The following ERP44 variants were observed in gnomAD, a reference collection of about 807,000 sequenced individuals.
ERP44 encodes endoplasmic reticulum protein 44.
Under a neutral mutation model 53.4 loss-of-function variants are expected in ERP44, and 25 were observed. The ratio of observed to expected loss-of-function variants is 0.47; its 90% CI spans 0.34 to 0.65. The LOEUF is 0.65. Among genes scored for constraint, ERP44 ranks in the 30% least tolerant of loss-of-function variants. The pLI is 0.01. For missense variants in ERP44, 338 were observed against 493.2 expected (o/e 0.69, Z 2.98); for synonymous variants, 145 against 161.2 (o/e 0.90, Z 0.76).
intron 1 of ERP44, among the ~76,000 whole-genome samples, chr9:100,067,603 C>T (rs1022267542): frequency 2.0e-5 from 3 of 152,160 alleles, no homozygotes; most frequent in Admixed American, 6.5e-5. Flanking sequence ...AGCCTCTGCC[C>T]GGCCGCCACC....
At chr9:100,090,209 G>A (rs1186570379) in intron 1 of ERP44, among the ~76,000 whole-genome samples, 22 of 152,228 alleles carry the variant, frequency 1.4e-4, no homozygotes, top group Admixed American at 1.4e-3. Flanking sequence ...CCCTTTCAGA[G>A]GTAAAATCAT....
chr9:100,035,784 C>T (rs1325938208), intron 4 of ERP44, among the ~76,000 whole-genome samples: 1 of 152,226 alleles, frequency 6.6e-6, no homozygotes, highest in African/African-American at 2.4e-5. Flanking sequence ...AGCCAACAAA[C>T]ATATGAAAAA....
intron 10 of ERP44, among the ~76,000 whole-genome samples, chr9:100,003,800 G>C (rs1830401867): frequency 1.3e-5 from 2 of 151,692 alleles, no homozygotes; most frequent in African/African-American, 4.9e-5. Context: ...GGCTGAGTCT[G>C]TGGGAGTGGG....
chr9:99,979,423 T>G lies in ERP44; in HGVS notation c.*3189A>C, dbSNP rs1444169591. ...CAAACACTTCTATATTTCACTCTCCTCTCTGTAGCTTTTGTCATGCCAGTT... is the reference window on the plus strand; with the variant it reads ...CAAACACTTCTATATTTCACTCTCCGCTCTGTAGCTTTTGTCATGCCAGTT... On this transcript the variant is annotated 3_prime_UTR_variant, in exon 12 of 12. Coordinates refer to ENST00000262455, the MANE Select transcript of ERP44 (RefSeq NM_015051.3). The G allele has an allele frequency of 6.6e-6, 1 of 152,196 alleles. No individual in the cohort carries two copies. The highest frequency in any genetic ancestry group is 2.4e-5 in the African/African-American group (1 of 41,430). The allele number at this position is 152,196 out of a possible 1,614,324, so 9.4% of individuals were successfully genotyped here. A position where few individuals can be genotyped will look rare whatever the true frequency, so the allele number is the denominator to read the frequency against.
chr9:100,000,435 CAAAAAA>C (rs34304276), intron 10 of ERP44, among the ~76,000 whole-genome samples: 1 of 123,982 alleles, frequency 8.1e-6, no homozygotes, highest in African/African-American at 2.9e-5. Context: ...GATCCTGTAT[CAAAAAA>C]AAAAAAAAAA....
chr9:100,087,549 A>T (rs577066455), intron 1 of ERP44, among the ~76,000 whole-genome samples: 2 of 152,348 alleles, frequency 1.3e-5, no homozygotes, highest in Admixed American at 1.3e-4. Flanking sequence ...CTTATAATGC[A>T]CTACAGACAC....
In ERP44 at chr9:99,992,667, G is replaced by A. The variant is rs544503215; in HGVS notation, c.1017-7598C>T. Among the ~76,000 whole-genome samples the A allele has an allele frequency of 1.0e-3, 155 of 152,180 alleles. 1 individual carries two copies. Among genetic ancestry groups the A allele is most frequent in the Non-Finnish European group, 1.7e-3 (113 of 68,002 alleles). ...ACATAGTGTTGGAAGTTCTGGCCACGGCAATCAGGCAGGAGAAAGAAATAA... is the reference window on the plus strand; with the variant it reads ...ACATAGTGTTGGAAGTTCTGGCCACAGCAATCAGGCAGGAGAAAGAAATAA... On this transcript the variant is annotated intron_variant, in intron 10 of 11. Coordinates refer to ENST00000262455, the MANE Select transcript of ERP44 (RefSeq NM_015051.3).
chr9:100,085,887 G>A (rs919801446), intron 1 of ERP44, among the ~76,000 whole-genome samples: 3 of 152,096 alleles, frequency 2.0e-5, no homozygotes, highest in South Asian at 2.1e-4. Context: ...CAACAAGAGC[G>A]AAACTCTGTC....
chr9:99,997,356 T>C (rs1309954437), intron 10 of ERP44, among the ~76,000 whole-genome samples: 1 of 152,164 alleles, frequency 6.6e-6, no homozygotes, highest in Non-Finnish European at 1.5e-5. Flanking sequence ...TGGTATTGCA[T>C]TGTAGTTTTT....
At chr9:100,066,565 A>T (rs1180948260) in intron 1 of ERP44, among the ~76,000 whole-genome samples, 1 of 152,182 alleles carries the variant, frequency 6.6e-6, no homozygotes, top group Non-Finnish European at 1.5e-5. Flanking sequence ...TTCTTTACAA[A>T]CTATGTCTCT....
chr9:100,076,329 G>A (rs1258333030), intron 1 of ERP44, among the ~76,000 whole-genome samples: 1 of 152,148 alleles, frequency 6.6e-6, no homozygotes, highest in East Asian at 1.9e-4. Context: ...AAATGCCCAT[G>A]GTCTCCACTC....
At chr9:100,005,537 C>G (rs1296302886) in intron 10 of ERP44, among the ~76,000 whole-genome samples, 2 of 152,150 alleles carry the variant, frequency 1.3e-5, no homozygotes, top group Non-Finnish European at 2.9e-5. Context: ...ATAACATAAT[C>G]ATTATTTCTC....
chr9:100,053,210 C>T (rs1012910759), intron 3 of ERP44, among the ~76,000 whole-genome samples: 5 of 152,070 alleles, frequency 3.3e-5, no homozygotes, highest in Non-Finnish European at 2.9e-5. Context: ...AAATTTACCC[C>T]TTGATAAAAT....
At chr9:100,023,446 G>GA (rs2118658664) in intron 4 of ERP44, among the ~76,000 whole-genome samples, 1 of 32,330 alleles carries the variant, frequency 3.1e-5, no homozygotes, top group East Asian at 8.6e-3. Context: ...TTTTTTTTTT[G>GA]AAGACAGGGT....
At chr9:100,060,641 C>T (rs1826136676) in intron 1 of ERP44, among the ~76,000 whole-genome samples, 1 of 152,050 alleles carries the variant, frequency 6.6e-6, no homozygotes, top group Non-Finnish European at 1.5e-5. Context: ...AAAGCCCTTC[C>T]GGTATAATTT....
chr9:100,089,817 G>A (rs928649544), intron 1 of ERP44, among the ~76,000 whole-genome samples: 1 of 152,012 alleles, frequency 6.6e-6, no homozygotes, highest in Non-Finnish European at 1.5e-5. Flanking sequence ...CTTTATCATA[G>A]GTATGTATGT....
intron 1 of ERP44, among the ~76,000 whole-genome samples, chr9:100,093,231 G>A (rs552214626): frequency 6.6e-6 from 1 of 152,102 alleles, no homozygotes; most frequent in Non-Finnish European, 1.5e-5. Flanking sequence ...CATCTCCAAG[G>A]GTTTTTACAA....
At chr9:99,984,569 A>C (rs1378460674) in intron 11 of ERP44, among the ~76,000 whole-genome samples, 1 of 152,200 alleles carries the variant, frequency 6.6e-6, no homozygotes. Flanking sequence ...ATAACAAATC[A>C]TTACTTTCTT....
At chr9:100,026,839 A>G (rs1189610600) in intron 4 of ERP44, among the ~76,000 whole-genome samples, 1 of 152,188 alleles carries the variant, frequency 6.6e-6, no homozygotes, top group Non-Finnish European at 1.5e-5. Context: ...AGGATATGAG[A>G]TGGACTCAGA....
Sources: gnomAD v4.1 joint callset for allele counts (sites outside exome capture counted in the v4.1 genomes callset) on GRCh38, gnomAD v4.1.1 for gene constraint, MANE v1.5 for transcripts, NCBI Gene and HGNC (gene_info 2026-07-23, HGNC 2026-07-21) for gene names.